The following TDRD3 variants were observed in gnomAD, a reference collection of about 807,000 sequenced individuals.
TDRD3 encodes tudor domain-containing protein 3.
TDRD3 carries 45 observed loss-of-function variants against 86.7 expected under a neutral mutation model. The observed-to-expected ratio is 0.52, with a 90% CI of 0.41 to 0.67. The LOEUF (loss-of-function observed/expected upper bound fraction) is 0.67, where lower values mean the gene tolerates loss of function less well. Ranked by LOEUF, TDRD3 falls within the 30% of genes least tolerant of loss-of-function variation. TDRD3 has a pLI of 0.00. For synonymous variants in TDRD3, 298 were observed against 301.7 expected, an observed-to-expected ratio of 0.99 and a Z score of 0.13; for missense variants, 814 against 889.0, an observed-to-expected ratio of 0.92 and a Z score of 1.07.
intron 2 of TDRD3, among the ~76,000 whole-genome samples, chr13:60,444,117 A>G (rs530341683): frequency 6.6e-6 from 1 of 151,956 alleles, no homozygotes; most frequent in East Asian, 1.9e-4. Flanking sequence ...TTATTTGTTT[A>G]CCACCTTCTA....
At chr13:60,518,420 G>A (rs934557155) in intron 10 of TDRD3, among the ~76,000 whole-genome samples, 4 of 152,094 alleles carry the variant, frequency 2.6e-5, no homozygotes, top group African/African-American at 9.7e-5. Flanking sequence ...ATAATAAAGC[G>A]AATGTTCTTT....
At chr13:60,550,297 G>C (rs1391772184) in intron 12 of TDRD3, among the ~76,000 whole-genome samples, 2 of 152,048 alleles carry the variant, frequency 1.3e-5, no homozygotes, top group Admixed American at 6.6e-5. Context: ...AAAGTATACA[G>C]AACAGAATTA....
chr13:60,561,727 A>C (rs1958337347), intron 12 of TDRD3, among the ~76,000 whole-genome samples: 1 of 152,150 alleles, frequency 6.6e-6, no homozygotes, highest in African/African-American at 2.4e-5. Flanking sequence ...GGGCTTGTGA[A>C]TCAGACCTGT....
At chr13:60,477,560 T>A (rs1025649633) in intron 5 of TDRD3, among the ~76,000 whole-genome samples, 7 of 152,272 alleles carry the variant, frequency 4.6e-5, no homozygotes, top group South Asian at 2.1e-4. Flanking sequence ...ATGTCTAGTT[T>A]GTTGAGAGTT....
intron 3 of TDRD3, among the ~76,000 whole-genome samples, chr13:60,457,196 A>G (rs531496058): frequency 7.2e-4 from 109 of 152,294 alleles, no homozygotes; most frequent in African/African-American, 2.6e-3. Context: ...TTGTGGAACT[A>G]CTAACTTAAG....
At position 60,397,323 on chromosome 13, in the gene TDRD3, C is replaced by G; in HGVS notation, c.-42C>G. On this transcript the variant is annotated 5_prime_UTR_variant, in exon 1 of 14. Transcript: ENST00000377881. ...CTCAAGTAGGAGGCCTCCCCATCAC[C>G]CCCACCCCAGCCCCCCACCACCCCC... 2 of 1,263,900 alleles carry G rather than the reference C, an allele frequency of 1.6e-6. No individual in the cohort carries two copies. Among genetic ancestry groups the G allele is most frequent in the Non-Finnish European group, 2.1e-6 (2 of 945,870 alleles). 78.3% of individuals were successfully genotyped at this position (1,263,900 alleles called of 1,614,324 possible).
At chr13:60,461,117 T>C (rs1222072081) in intron 4 of TDRD3, 1 of 152,190 alleles carries the variant, frequency 6.6e-6, no homozygotes, top group Admixed American at 6.5e-5. Flanking sequence ...TCAGATACTT[T>C]AGGTCACTCA....
chr13:60,568,805 A>T (rs1278153753), intron 13 of TDRD3, among the ~76,000 whole-genome samples: 1 of 152,236 alleles, frequency 6.6e-6, no homozygotes, highest in Non-Finnish European at 1.5e-5. Flanking sequence ...GAGTCAAATT[A>T]TTCTTGTTTG....
chr13:60,449,559 G>A (rs1407131406), intron 3 of TDRD3, among the ~76,000 whole-genome samples: 2 of 152,012 alleles, frequency 1.3e-5, no homozygotes, highest in African/African-American at 2.4e-5. Context: ...GTATTCATTT[G>A]CTATAATTAC....
At chr13:60,502,684 T>C (rs535089738) in intron 8 of TDRD3, among the ~76,000 whole-genome samples, 7 of 152,236 alleles carry the variant, frequency 4.6e-5, no homozygotes, top group African/African-American at 1.7e-4. Context: ...CAGGAGCTCC[T>C]GGTCCTGTTA....
intron 1 of TDRD3, among the ~76,000 whole-genome samples, chr13:60,400,988 G>T (rs758295757): frequency 3.3e-5 from 5 of 152,120 alleles, no homozygotes; most frequent in Non-Finnish European, 7.4e-5. Context: ...TTGAAAATTG[G>T]GTTGAAGCAT....
At chr13:60,449,051 A>T (rs1955473321) in intron 3 of TDRD3, among the ~76,000 whole-genome samples, 1 of 152,120 alleles carries the variant, frequency 6.6e-6, no homozygotes, top group African/African-American at 2.4e-5. Context: ...TTTCCCAAGT[A>T]GGAGTGACTG....
At chr13:60,546,535 T>C (rs1957943951) in intron 12 of TDRD3, among the ~76,000 whole-genome samples, 1 of 152,128 alleles carries the variant, frequency 6.6e-6, no homozygotes, top group African/African-American at 2.4e-5. Flanking sequence ...TGATACACTT[T>C]CCTATTTATT....
intron 12 of TDRD3, among the ~76,000 whole-genome samples, chr13:60,559,786 C>A (rs571860542): frequency 6.6e-6 from 1 of 152,056 alleles, no homozygotes; most frequent in East Asian, 1.9e-4. Flanking sequence ...TTCAGTTATG[C>A]CAGATGAATG....
intron 12 of TDRD3, among the ~76,000 whole-genome samples, chr13:60,542,501 C>T (rs1177729035): frequency 6.6e-6 from 1 of 152,170 alleles, no homozygotes; most frequent in African/African-American, 2.4e-5. Context: ...TCATCTGCAT[C>T]TAAAAAAGCA....
intron 1 of TDRD3, among the ~76,000 whole-genome samples, chr13:60,432,165 C>G (rs1954970089): frequency 6.6e-6 from 1 of 151,990 alleles, no homozygotes; most frequent in South Asian, 2.1e-4. Flanking sequence ...TCTGAATTAC[C>G]TTTTGTAGAA....
At chr13:60,489,782 T>C (rs1956539589) in intron 7 of TDRD3, among the ~76,000 whole-genome samples, 1 of 152,206 alleles carries the variant, frequency 6.6e-6, no homozygotes, top group African/African-American at 2.4e-5. Context: ...TTATATAATT[T>C]GCATGAAATA....
chr13:60,472,652 A>G (rs574223768), intron 5 of TDRD3, among the ~76,000 whole-genome samples: 2 of 152,334 alleles, frequency 1.3e-5, no homozygotes, highest in South Asian at 4.1e-4. Flanking sequence ...TGATCCATCA[A>G]TTCCACTTCT....
chr13:60,548,425 G>A (rs1220987864), intron 12 of TDRD3, among the ~76,000 whole-genome samples: 1 of 152,098 alleles, frequency 6.6e-6, no homozygotes, highest in Non-Finnish European at 1.5e-5. Context: ...AACAATCTAA[G>A]AATGCTTGGT....
Sources: allele counts gnomAD v4.1 joint callset (sites outside exome capture counted in the v4.1 genomes callset), GRCh38; gene constraint gnomAD v4.1.1; transcripts MANE v1.5; gene names NCBI Gene and HGNC (gene_info 2026-07-23, HGNC 2026-07-21).